ADAMTS5: variants seen among roughly 807,000 people sequenced by gnomAD.
The protein encoded by ADAMTS5 is ADAM metallopeptidase with thrombospondin type 1 motif 5.
A neutral mutation model predicts 81.4 loss-of-function variants in ADAMTS5; 54 were observed. The observed-to-expected ratio is 0.66, with a 90% CI of 0.53 to 0.83. ADAMTS5 has a LOEUF of 0.83. Ranked by LOEUF, ADAMTS5 falls within the 40% of genes least tolerant of loss-of-function variation. The pLI, the probability that ADAMTS5 is intolerant of heterozygous loss-of-function variation, is 0.00. For missense variants in ADAMTS5, 1,194 were observed against 1,229.9 expected (o/e 0.97, Z 0.44); for synonymous variants, 532 against 508.8 (o/e 1.05, Z -0.61).
At chr21:26,964,730 G>A (rs2123212180) in intron 1 of ADAMTS5, among the ~76,000 whole-genome samples, 1 of 152,220 alleles carries the variant, frequency 6.6e-6, no homozygotes, top group African/African-American at 2.4e-5. Flanking sequence ...ACTCCATTAG[G>A]AATCCAACCT....
At position 26,934,588 on chromosome 21, in the gene ADAMTS5, G is replaced by A. The variant is rs759375195; in HGVS notation, c.1567C>T (p.Arg523Cys). 31 of 1,613,992 alleles carry A rather than the reference G, an allele frequency of 1.9e-5. No individual in the cohort carries two copies. The highest frequency in any genetic ancestry group is 4.5e-5 in the East Asian group (2 of 44,872). The change falls in exon 4 of 8, where the codon CGC becomes TGC. Residue 523 changes from arginine (R) to cysteine (C), a missense_variant. Physicochemically the swap from Arg to Cys is radical, Grantham distance 180 (BLOSUM62 -3). This residue lies in a region of ADAMTS5 where 696 missense variants were observed against 817.6 expected (regional missense o/e 0.85). Transcript: ENST00000284987. Reference protein sequence around the residue: ...VCARLWCAVVRQGQMVCLTKK... With the variant: ...VCARLWCAVVCQGQMVCLTKK... Reference sequence around the variant, plus strand: ...GTCAGACAGACCATCTGGCCCTGGCGTACCACAGCACACCACAGGCGAGCA... The same window carrying A: ...GTCAGACAGACCATCTGGCCCTGGCATACCACAGCACACCACAGGCGAGCA...
intron 1 of ADAMTS5, among the ~76,000 whole-genome samples, chr21:26,957,233 T>C (rs191809964): frequency 3.5e-4 from 53 of 152,370 alleles, no homozygotes; most frequent in Middle Eastern, 3.4e-3. Context: ...TGATGATTTC[T>C]AACAACATTT....
chr21:26,931,497 G>A (rs976745081), intron 6 of ADAMTS5, among the ~76,000 whole-genome samples: 10 of 152,218 alleles, frequency 6.6e-5, no homozygotes, highest in Admixed American at 4.6e-4. Flanking sequence ...CATACACAAG[G>A]ATTATAACAT....
intron 2 of ADAMTS5, among the ~76,000 whole-genome samples, chr21:26,951,215 G>A (rs1049726402): frequency 1.3e-5 from 2 of 152,140 alleles, no homozygotes; most frequent in Non-Finnish European, 2.9e-5. Context: ...TAATGGAAGA[G>A]TTATTCTTGC....
At chr21:26,924,821 G>A (rs940177865) in intron 7 of ADAMTS5, among the ~76,000 whole-genome samples, 1 of 152,146 alleles carries the variant, frequency 6.6e-6, no homozygotes, top group Non-Finnish European at 1.5e-5. Flanking sequence ...CTACAGTATT[G>A]TATACACTTT....
chr21:26,957,608 G>A (rs1382805056), intron 1 of ADAMTS5, among the ~76,000 whole-genome samples: 1 of 124,994 alleles, frequency 8.0e-6, no homozygotes, highest in African/African-American at 3.0e-5. Flanking sequence ...GAAGGTAAGT[G>A]ATTATCTTTG....
At chr21:26,963,574 G>T (rs1431656688) in intron 1 of ADAMTS5, among the ~76,000 whole-genome samples, 1 of 128,348 alleles carries the variant, frequency 7.8e-6, no homozygotes, top group Non-Finnish European at 1.6e-5. Context: ...ACTCTCCAAA[G>T]CCTCCTTCTT....
At chr21:26,928,796 C>T (rs1375949489) in intron 7 of ADAMTS5, among the ~76,000 whole-genome samples, 1 of 149,510 alleles carries the variant, frequency 6.7e-6, no homozygotes, top group African/African-American at 2.5e-5. Context: ...GGTGTCTGCT[C>T]TTCTCTGGCA....
chr21:26,948,218 A>T (rs1336657876), intron 2 of ADAMTS5, among the ~76,000 whole-genome samples: 3 of 152,194 alleles, frequency 2.0e-5, no homozygotes, highest in Non-Finnish European at 4.4e-5. Context: ...CAACCCAGGC[A>T]TTACTGTACA....
In ADAMTS5 at chr21:26,922,575, G is replaced by A. The variant is rs1163056383; in HGVS notation, c.*1478C>T. The stretch of plus-strand genomic sequence containing the variant: ...CAACTTAGATTTTCTAAGTTGTGAG[G>A]TTGGTGATGGGGGGGTGTACATTTT... On this transcript the variant is annotated 3_prime_UTR_variant, in exon 8 of 8. Coordinates refer to ENST00000284987, the MANE Select transcript of ADAMTS5 (RefSeq NM_007038.5). The A allele has an allele frequency of 1.3e-5, 2 of 151,996 alleles. No individual in the cohort carries two copies. The highest frequency in any genetic ancestry group is 2.9e-5 in the Non-Finnish European group (2 of 67,940). 9.4% of individuals were successfully genotyped at this position (151,996 alleles called of 1,614,324 possible). A position where few individuals can be genotyped will look rare whatever the true frequency, so the allele number is the denominator to read the frequency against.
chr21:26,929,600 G>A (rs570488478), intron 7 of ADAMTS5, among the ~76,000 whole-genome samples: 1 of 152,222 alleles, frequency 6.6e-6, no homozygotes, highest in Non-Finnish European at 1.5e-5. Context: ...CACTAAAGTG[G>A]AATGTCCCCC....
Position 26,932,159 on chromosome 21 carries a change from G to C in ADAMTS5, c.1894C>G (p.Gln632Glu), listed in dbSNP as rs750782997. Residue 632 changes from glutamine to glutamate, a missense_variant, in exon 6 of 8, where the codon CAG becomes GAG. Physicochemically the swap from Gln to Glu is conservative, Grantham distance 29. Transcript: ENST00000284987. Reference sequence around the variant, plus strand: ...TGATAGCCATTTTTGGCCTCACACTGTTCATGACGAAATGATTTACCTAGA... The same window carrying C: ...TGATAGCCATTTTTGGCCTCACACTCTTCATGACGAAATGATTTACCTAGA... ...PPNGKSFRHE[Q>E]CEAKNGYQSD... 1.2e-6 allele frequency: 2 copies of C among 1,613,458 alleles called. No individual in the cohort carries two copies. The highest frequency in any genetic ancestry group is 3.3e-5 in the Admixed American group (2 of 59,898).
intron 2 of ADAMTS5, 49 bp downstream of exon 2, chr21:26,954,690 C>A: frequency 6.3e-7 from 1 of 1,598,536 alleles, no homozygotes; most frequent in Non-Finnish European, 8.5e-7. Context: ...CCTGTTGCAG[C>A]TGTTACAAGT....
intron 3 of ADAMTS5, among the ~76,000 whole-genome samples, chr21:26,940,808 C>T (rs1987100919): frequency 6.6e-6 from 1 of 152,112 alleles, no homozygotes; most frequent in Non-Finnish European, 1.5e-5. Context: ...TTAGTTCTCT[C>T]CCATGCTCTG....
At chr21:26,926,019 C>T (rs1003195964) in intron 7 of ADAMTS5, among the ~76,000 whole-genome samples, 1 of 152,186 alleles carries the variant, frequency 6.6e-6, no homozygotes, top group African/African-American at 2.4e-5. Flanking sequence ...ATAGTGGCTT[C>T]AAAGAAAGTC....
rs1361766509 is a variant in ADAMTS5 at position 26,920,794 on chromosome 21, A to G, written c.*3259T>C. ...GGAAAAAATAGTGTTAATGTGATGT[A>G]AAAAACCTATTATCATAGGCACAAG... On this transcript the variant is annotated 3_prime_UTR_variant, in exon 8 of 8. Transcript: ENST00000284987. 1 of 152,136 alleles carries G rather than the reference A, an allele frequency of 6.6e-6. No individual in the cohort carries two copies. Among genetic ancestry groups the G allele is most frequent in the East Asian group, 1.9e-4 (1 of 5,190 alleles). 9.4% of individuals were successfully genotyped at this position (152,136 alleles called of 1,614,324 possible).
At chr21:26,929,824 A>C (rs1000562216) in intron 7 of ADAMTS5, 62 bp downstream of exon 7, 14 of 1,518,860 alleles carry the variant, frequency 9.2e-6, no homozygotes, top group Non-Finnish European at 1.3e-5. Context: ...CTCCTTTATC[A>C]ATTCTGCAAG....
intron 1 of ADAMTS5, among the ~76,000 whole-genome samples, chr21:26,964,167 TAAAG>T (rs1035785206): frequency 2.0e-5 from 3 of 152,198 alleles, no homozygotes; most frequent in Non-Finnish European, 4.4e-5. Context: ...CTCAAATACT[TAAAG>T]AATGAGCTTT....
intron 7 of ADAMTS5, among the ~76,000 whole-genome samples, chr21:26,929,310 G>A (rs943202557): frequency 6.6e-6 from 1 of 152,024 alleles, no homozygotes; most frequent in Non-Finnish European, 1.5e-5. Context: ...GCCGGAAATT[G>A]GTACTTCATA....
Sources: gnomAD v4.1 joint callset for allele counts (sites outside exome capture counted in the v4.1 genomes callset) on GRCh38, gnomAD v4.1.1 for gene constraint, gnomAD v4.1.1 regional missense constraint, MANE v1.5 for transcripts, NCBI Gene and HGNC (gene_info 2026-07-23, HGNC 2026-07-21) for gene names.